Variants in FMNL1 observed in about 807,000 individuals in gnomAD.
FMNL1 encodes the protein formin like 1.
Under a neutral mutation model 121.3 loss-of-function variants are expected in FMNL1, and 43 were observed. That is an observed-to-expected ratio of 0.35 (90% confidence interval 0.28 to 0.46). FMNL1 has a LOEUF of 0.46. FMNL1 is among the 20% of genes least tolerant of loss of function. FMNL1 has a pLI of 1.00. For synonymous variants in FMNL1, 613 were observed against 613.5 expected (o/e 1.00, Z 0.01); for missense variants, 1,191 against 1,482.4 (o/e 0.80, Z 3.23).
rs1202551706 is a variant in FMNL1 at position 45,242,019 on chromosome 17, CCCACCCCCGCCACCGCCA to C, written c.1764_1781del (p.Pro590_Pro595del). The C allele has an allele frequency of 7.4e-7, 1 of 1,345,866 alleles. No individual in the cohort carries two copies. The highest frequency in any genetic ancestry group is 3.4e-5 in the East Asian group (1 of 29,310). 83.4% of individuals were successfully genotyped at this position (1,345,866 alleles called of 1,614,324 possible). On this transcript the variant is annotated inframe_deletion, in exon 15 of 27. Transcript: ENST00000331495. ...CGCCGCTGCCCGGAGACCTGCCGCC[CCCACCCCCGCCACCGCCA>C]CCACCTCCGGGCACTGACGGGCCGG...
chr17:45,246,419 C>T, intron 25 of FMNL1, 86 bp from the exon 26 acceptor site: 1 of 1,612,098 alleles, frequency 6.2e-7, no homozygotes. Context: ...GGGGGACTGG[C>T]TGCCACACTG....
Position 45,245,686 on chromosome 17 carries a change from C to G in FMNL1, c.2947C>G (p.Pro983Ala), listed in dbSNP as rs945650795. The G allele has an allele frequency of 6.2e-7, 1 of 1,614,006 alleles. No individual in the cohort carries two copies. Among genetic ancestry groups the G allele is most frequent in the African/African-American group, 1.3e-5 (1 of 74,906 alleles). ...CGGAGAGAACCCCAAGACCACATCC[C>G]CAGGCCTGTTCTTCTCCCTCTTTAG... is the stretch of plus-strand genomic sequence containing the variant. ...YFGENPKTTS[P>A]GLFFSLFSRF... Residue 983 changes from proline to alanine, a missense_variant, in exon 23 of 27, where the codon CCA (proline) becomes GCA (alanine). Physicochemically the swap from Pro to Ala is conservative, Grantham distance 27. Around this residue, in one of 4 missense-constraint regions of FMNL1, gnomAD observed 367 missense variants for 528.6 expected, o/e 0.69. Coordinates refer to ENST00000331495, the MANE Select transcript of FMNL1 (RefSeq NM_005892.4).
chr17:45,236,411 G>A (rs147244126), intron 7 of FMNL1, 167 bp downstream of exon 7: 1 of 572,142 alleles, frequency 1.7e-6, no homozygotes, highest in Non-Finnish European at 3.1e-6. Flanking sequence ...GATGAGTCTT[G>A]AGGGGAAGCC....
At chr17:45,225,740 G>A (rs1019043431) in intron 1 of FMNL1, among the ~76,000 whole-genome samples, 2 of 152,156 alleles carry the variant, frequency 1.3e-5, no homozygotes, top group Admixed American at 6.5e-5. Context: ...CGTTTCCTGA[G>A]CTTTGGGGTC....
At position 45,233,344 on chromosome 17, in the gene FMNL1, C is replaced by T. The variant is rs749959659; in HGVS notation, c.401+47C>T. 1.2e-5 allele frequency: 18 copies of T among 1,531,562 alleles called. No homozygotes were observed. Among genetic ancestry groups the T allele is most frequent in the Non-Finnish European group, 1.5e-5 (17 of 1,132,664 alleles). 94.9% of individuals were successfully genotyped at this position (1,531,562 alleles called of 1,614,324 possible). A position where few individuals can be genotyped will look rare whatever the true frequency, so the allele number is the denominator to read the frequency against. On this transcript the variant is annotated intron_variant, in intron 4 of 26. Coordinates refer to ENST00000331495, the MANE Select transcript of FMNL1 (RefSeq NM_005892.4). This position sits in a 1 kb window ranked among gnomAD's most constrained non-coding sequence, Gnocchi z 4.1. ...CCTCTCTGGGCCTAGGAAGGCTCTG[C>T]TTCCAGGCAGCTCCTGGAGCTTCCC...
chr17:45,241,051 C>G lies in FMNL1; in HGVS notation c.1231-78C>G. The G allele has an allele frequency of 1.3e-6, 2 of 1,559,066 alleles. No individual in the cohort carries two copies. The highest frequency in any genetic ancestry group is 1.8e-6 in the Non-Finnish European group (2 of 1,138,486). ...AGCCTCCCCCAGTCTTCCAGGCAGG[C>G]ATGCCTGATGCCGCCCCCTCACCGG... is the stretch of plus-strand genomic sequence containing the variant. On this transcript the variant is annotated intron_variant, in intron 12 of 26. Transcript: ENST00000331495. The surrounding 1 kb of genome is among the most constrained non-coding windows in gnomAD (Gnocchi z 7.0).
chr17:45,227,772 C>T (rs1295905366), intron 1 of FMNL1, among the ~76,000 whole-genome samples: 1 of 152,208 alleles, frequency 6.6e-6, no homozygotes, highest in Admixed American at 6.5e-5. Context: ...CAGCTTCTCA[C>T]TGAGTGTTCC....
intron 1 of FMNL1, among the ~76,000 whole-genome samples, chr17:45,225,012 G>A (rs2043303418): frequency 6.6e-6 from 1 of 152,224 alleles, no homozygotes; most frequent in South Asian, 2.1e-4. Flanking sequence ...TTCCAGGCCT[G>A]CCAGAAGAGC....
chr17:45,222,841 G>A (rs982890459), intron 1 of FMNL1, among the ~76,000 whole-genome samples: 1 of 152,166 alleles, frequency 6.6e-6, no homozygotes, highest in African/African-American at 2.4e-5. Flanking sequence ...AGCCACTGAA[G>A]GGAGTAAGAT....
chr17:45,226,283 A>T (rs752166103), intron 1 of FMNL1, among the ~76,000 whole-genome samples: 3 of 152,072 alleles, frequency 2.0e-5, no homozygotes, highest in Non-Finnish European at 4.4e-5. Flanking sequence ...GGGGGAGGGG[A>T]GGCCTCCACT....
chr17:45,241,734 T>C lies in FMNL1; in HGVS notation c.1585+100T>C, dbSNP rs1183415471. On this transcript the variant is annotated intron_variant, in intron 14 of 26. Transcript: ENST00000331495. This position sits in a 1 kb window ranked among gnomAD's most constrained non-coding sequence, Gnocchi z 7.0. ...AGAGTTGGGCGAGGGAGGTTTGGAT[T>C]GTAGGCTCGGCTCAGGTAGGAGCGC... is the stretch of plus-strand genomic sequence containing the variant. The C allele has an allele frequency of 6.3e-6, 9 of 1,431,996 alleles. No homozygotes were observed. The highest frequency in any genetic ancestry group is 2.9e-5 in the Admixed American group (1 of 34,878). 88.7% of individuals were successfully genotyped at this position (1,431,996 alleles called of 1,614,324 possible).
At chr17:45,229,425 C>G (rs887282573) in intron 1 of FMNL1, among the ~76,000 whole-genome samples, 10 of 152,194 alleles carry the variant, frequency 6.6e-5, no homozygotes, top group African/African-American at 2.4e-4. Flanking sequence ...TCTGACTGCT[C>G]CAGCTGTGGC....
rs1177505062 is a variant in FMNL1, at chr17:45,237,620, C to T, written c.875C>T (p.Ala292Val). The T allele has an allele frequency of 6.2e-7, 1 of 1,614,152 alleles. No individual in the cohort carries two copies. Among genetic ancestry groups the T allele is most frequent in the Admixed American group, 1.7e-5 (1 of 60,016 alleles). ...VRGGHDIILA[A>V]FDNFKEVCGE... ...GGAGGACATGACATCATCCTTGCAG[C>T]CTTTGACAACTTCAAGGAGGTACCG... Residue 292 changes from alanine to valine, a missense_variant, in exon 9 of 27, where the codon GCC becomes GTC. Physicochemically the swap from Ala to Val is moderately conservative, Grantham distance 64. This residue lies in a region of FMNL1 where 253 missense variants were observed against 417.5 expected (regional missense o/e 0.61). Transcript: ENST00000331495. The surrounding 1 kb of genome is among the most constrained non-coding windows in gnomAD (Gnocchi z 4.4).
At position 45,236,212 on chromosome 17, in the gene FMNL1, A is replaced by G; in HGVS notation, c.691A>G (p.Ile231Val). Residue 231 changes from isoleucine (I) to valine (V), a missense_variant, in exon 7 of 27, where the codon ATT (isoleucine) becomes GTT (valine). Around this residue, in one of 4 missense-constraint regions of FMNL1, gnomAD observed 253 missense variants for 417.5 expected, o/e 0.61. Transcript: ENST00000331495. The stretch of plus-strand genomic sequence containing the variant: ...CCAGAAGGACGACGTCCACGTCTGT[A>G]TTATGTGCCTACGCGCCATCATGAA... ...VSQKDDVHVC[I>V]MCLRAIMNYQ... The G allele has an allele frequency of 6.2e-7, 1 of 1,614,044 alleles. No homozygotes were observed. Among genetic ancestry groups the G allele is most frequent in the Non-Finnish European group, 8.5e-7 (1 of 1,180,018 alleles).
At chr17:45,239,779 C>G (rs1478090063) in intron 11 of FMNL1, among the ~76,000 whole-genome samples, 1 of 150,698 alleles carries the variant, frequency 6.6e-6, no homozygotes, top group Admixed American at 6.6e-5. Context: ...AAGCCAGACA[C>G]AAAAGGTCAC....
rs1366409174 is a variant in FMNL1 at position 45,241,427 on chromosome 17, C to G, written c.1378C>G (p.Pro460Ala). 2.6e-5 allele frequency: 41 copies of G among 1,563,076 alleles called. No individual in the cohort carries two copies. Among genetic ancestry groups the G allele is most frequent in the Non-Finnish European group, 3.5e-5 (40 of 1,154,460 alleles). Reference protein sequence around the residue: ...STAMGPSRRPPEPEKAPPAAP... With the variant: ...STAMGPSRRPAEPEKAPPAAP... The stretch of plus-strand genomic sequence containing the variant: ...CGCCATGGGGCCCTCCAGGCGTCCC[C>G]CAGAGCCTGAGAAAGCGCCTCCCGC... Residue 460 changes from proline (P) to alanine (A), a missense_variant, in exon 14 of 27, where the codon CCA (proline) becomes GCA (alanine). This residue lies in a region of FMNL1 where 519 missense variants were observed against 492.8 expected (regional missense o/e 1.05). Transcript: ENST00000331495. This position sits in a 1 kb window ranked among gnomAD's most constrained non-coding sequence, Gnocchi z 7.0.
chr17:45,244,454 A>C (rs887414790), intron 19 of FMNL1, among the ~76,000 whole-genome samples: 24 of 152,258 alleles, frequency 1.6e-4, no homozygotes, highest in Non-Finnish European at 1.8e-4. Flanking sequence ...CGGAGGGCTC[A>C]GTCCCCTTTA....
chr17:45,237,147 T>G lies in FMNL1; in HGVS notation c.724-134T>G. The G allele has an allele frequency of 1.4e-6, 1 of 717,074 alleles. No homozygotes were observed. The highest frequency in any genetic ancestry group is 2.3e-6 in the Non-Finnish European group (1 of 433,080). The allele number at this position is 717,074 out of a possible 1,614,324, so 44.4% of individuals were successfully genotyped here. On this transcript the variant is annotated intron_variant, in intron 7 of 26. Coordinates refer to ENST00000331495, the MANE Select transcript of FMNL1 (RefSeq NM_005892.4). The surrounding 1 kb of genome is among the most constrained non-coding windows in gnomAD (Gnocchi z 4.4). ...AAAAAAATAGAAACAAGGCCAGGTTTTGGTGGCCACAGAAGTTGCGGTTGG... is the reference window on the plus strand; with the variant it reads ...AAAAAAATAGAAACAAGGCCAGGTTGTGGTGGCCACAGAAGTTGCGGTTGG...
Position 45,242,577 on chromosome 17 carries a change from G to A in FMNL1, c.2010+112G>A, listed in dbSNP as rs2043732174. The A allele has an allele frequency of 4.1e-6, 6 of 1,467,830 alleles. No individual in the cohort carries two copies. In the South Asian group the frequency reaches 8.2e-5, roughly 20 times the overall value. The allele number at this position is 1,467,830 out of a possible 1,614,324, so 90.9% of individuals were successfully genotyped here. ...TTCTCCAAGCCATTTCACAGATGAGGAGGGGGAGGCCCAGGGATGGGCATT... is the reference window on the plus strand; with the variant it reads ...TTCTCCAAGCCATTTCACAGATGAGAAGGGGGAGGCCCAGGGATGGGCATT... On this transcript the variant is annotated intron_variant, in intron 16 of 26. Coordinates refer to ENST00000331495, the MANE Select transcript of FMNL1 (RefSeq NM_005892.4).
Sources: gnomAD v4.1 joint callset for allele counts (sites outside exome capture counted in the v4.1 genomes callset) on GRCh38, gnomAD v4.1.1 for gene constraint, gnomAD v4.1.1 regional missense constraint, Gnocchi (gnomAD v3.1) non-coding constraint, MANE v1.5 for transcripts, NCBI Gene and HGNC (gene_info 2026-07-23, HGNC 2026-07-21) for gene names.